The following LRRC20 variants were observed in gnomAD, a reference collection of about 807,000 sequenced individuals.
LRRC20 encodes the protein leucine rich repeat containing 20.
Under a neutral mutation model 14.4 loss-of-function variants are expected in LRRC20, and 11 were observed. The ratio of observed to expected loss-of-function variants is 0.77; its 90% CI spans 0.48 to 1.27. The LOEUF (loss-of-function observed/expected upper bound fraction) is 1.27. Ranked by LOEUF, LRRC20 falls within the 50% of genes most tolerant of loss-of-function variation. The probability of loss-of-function intolerance (pLI) is 0.00; values close to 1 mark genes in which losing one functional copy is unlikely to be tolerated. For synonymous variants in LRRC20, 121 were observed against 107.3 expected, an observed-to-expected ratio of 1.13 and a Z score of -0.79; for missense variants, 219 against 251.2, an observed-to-expected ratio of 0.87 and a Z score of 0.87.
chr10:70,323,900 C>T lies in LRRC20; in HGVS notation c.363G>A (p.Ala121=), dbSNP rs758493647. Residue 121 remains alanine (A), a synonymous_variant, in exon 4 of 5, where the codon GCG becomes GCA. Transcript: ENST00000446961. ...DFPEQLTALP[A]LETINLEENE... Reference sequence around the variant, plus strand: ...TCTCCTCCAGGTTGATGGTCTCCAGCGCCGGCAGGGCGGTAAGCTGCTCAG... The same window carrying T: ...TCTCCTCCAGGTTGATGGTCTCCAGTGCCGGCAGGGCGGTAAGCTGCTCAG... The T allele has an allele frequency of 2.4e-5, 38 of 1,614,072 alleles. No individual in the cohort carries two copies. The highest frequency in any genetic ancestry group is 5.0e-5 in the Admixed American group (3 of 60,006).
At chr10:70,306,703 G>A (rs765229188) in intron 4 of LRRC20, among the ~76,000 whole-genome samples, 79 of 151,936 alleles carry the variant, frequency 5.2e-4, no homozygotes, top group Non-Finnish European at 5.9e-4. Flanking sequence ...AAGTCTGTGG[G>A]GACACATCTT....
At position 70,324,008 on chromosome 10, in the gene LRRC20, G is replaced by A. The variant is rs1842209767; in HGVS notation, c.255C>T (p.Phe85=). The change falls in exon 4 of 5, where the codon TTC becomes TTT. Residue 85 remains phenylalanine (F), a synonymous_variant. Transcript: ENST00000446961. ...QLRELHLEGN[F]LHRLPSEVSA... ...TGACCTCGCTGGGGAGGCGGTGTAG[G>A]AAGTTCCCCTCCAGGTGGAGCTCTG... 6.2e-7 allele frequency: 1 copy of A among 1,613,980 alleles called. No individual in the cohort carries two copies. The highest frequency in any genetic ancestry group is 1.7e-5 in the Admixed American group (1 of 60,012).
rs543175903 is a variant in LRRC20, at chr10:70,347,736, T to C, written c.83-7034A>G. On this transcript the variant is annotated intron_variant, in intron 2 of 4. Coordinates refer to ENST00000446961, the MANE Select transcript of LRRC20 (RefSeq NM_001278212.2). Reference sequence around the variant, plus strand: ...TGGGGGGCTGAGGTGGGAGAATTGCTTGAGCCTGGGAGGAGGAGGTTACAG... The same window carrying C: ...TGGGGGGCTGAGGTGGGAGAATTGCCTGAGCCTGGGAGGAGGAGGTTACAG... 2.6e-5 allele frequency among the ~76,000 whole-genome samples: 4 copies of C among 151,540 alleles called. No homozygotes were observed. The East Asian group carries it at 7.8e-4, about 29-fold the overall frequency.
chr10:70,347,962 C>T (rs1227496814), intron 2 of LRRC20, among the ~76,000 whole-genome samples: 2 of 152,150 alleles, frequency 1.3e-5, no homozygotes, highest in Non-Finnish European at 2.9e-5. Flanking sequence ...CCGACACCTG[C>T]TTCTTTCTTT....
intron 2 of LRRC20, among the ~76,000 whole-genome samples, chr10:70,365,845 C>A (rs959872480): frequency 1.2e-4 from 18 of 151,896 alleles, no homozygotes; most frequent in Non-Finnish European, 2.5e-4. Context: ...CCGAGGCGGG[C>A]GGATCACGAG....
intron 2 of LRRC20, among the ~76,000 whole-genome samples, chr10:70,367,999 T>TTATGTTATGTTATGTTATGTTATGTTATG (rs1844094441): frequency 9.6e-5 from 14 of 145,942 alleles, no homozygotes; most frequent in East Asian, 4.0e-4. Context: ...TATGTTATTT[T>TTATGTTATGTTATGTTATGTTATGTTATG]TTGAGATGGA....
Position 70,324,046 on chromosome 10 carries a change from A to G in LRRC20, c.233-16T>C. On this transcript the variant is annotated splice_polypyrimidine_tract_variant and intron_variant, in intron 3 of 4. Coordinates refer to ENST00000446961, the MANE Select transcript of LRRC20 (RefSeq NM_001278212.2). ...AGGTGGAGCTCTGCCACGTGCAGGG[A>G]AGGAGAGAGAACAGGATGAGGAGGG... The G allele has an allele frequency of 6.2e-7, 1 of 1,612,870 alleles. No homozygotes were observed. The highest frequency in any genetic ancestry group is 8.5e-7 in the Non-Finnish European group (1 of 1,179,670).
At chr10:70,345,743 T>A (rs1487512192) in intron 2 of LRRC20, among the ~76,000 whole-genome samples, 1 of 152,170 alleles carries the variant, frequency 6.6e-6, no homozygotes, top group African/African-American at 2.4e-5. Context: ...CAACAAATAA[T>A]AGAATCATTA....
intron 2 of LRRC20, among the ~76,000 whole-genome samples, chr10:70,346,232 G>A (rs531654032): frequency 6.6e-6 from 1 of 152,246 alleles, no homozygotes; most frequent in African/African-American, 2.4e-5. Context: ...ATGACAGAGA[G>A]ACTCTGTCTC....
intron 2 of LRRC20, among the ~76,000 whole-genome samples, chr10:70,371,429 C>T (rs1379142557): frequency 1.3e-5 from 2 of 151,988 alleles, no homozygotes; most frequent in Non-Finnish European, 2.9e-5. Context: ...AGTAGAGTCT[C>T]GGGCCTCAGG....
chr10:70,363,255 G>A (rs1244535212), intron 2 of LRRC20, among the ~76,000 whole-genome samples: 1 of 151,512 alleles, frequency 6.6e-6, no homozygotes, highest in Non-Finnish European at 1.5e-5. Context: ...AAGGGTGGAG[G>A]GGAGGGAAGG....
At position 70,307,988 on chromosome 10, in the gene LRRC20, C is replaced by G. The variant is rs113407779; in HGVS notation, c.401-6480G>C. ...CAGCCCAGATGCCTGGGGATAAGCC[C>G]ACAGAGTTTGGCCAGCAGAGTCTCA... On this transcript the variant is annotated intron_variant, in intron 4 of 4. Coordinates refer to ENST00000446961, the MANE Select transcript of LRRC20 (RefSeq NM_001278212.2). Among the ~76,000 whole-genome samples, 369 of 152,346 alleles carry G rather than the reference C, an allele frequency of 2.4e-3. 1 individual carries two copies. The highest frequency in any genetic ancestry group is 8.2e-3 in the African/African-American group (341 of 41,580).
At chr10:70,305,991 C>T (rs751106319) in intron 4 of LRRC20, among the ~76,000 whole-genome samples, 3 of 152,138 alleles carry the variant, frequency 2.0e-5, no homozygotes, top group African/African-American at 4.8e-5. Context: ...CTGCCCACCT[C>T]TGCCTCCCAA....
chr10:70,363,399 A>T (rs1250405475), intron 2 of LRRC20, among the ~76,000 whole-genome samples: 2 of 152,136 alleles, frequency 1.3e-5, no homozygotes, highest in Non-Finnish European at 2.9e-5. Flanking sequence ...ACATGGTGAG[A>T]AACATCTGTT....
At chr10:70,318,698 G>A (rs1841963247) in intron 4 of LRRC20, among the ~76,000 whole-genome samples, 1 of 151,578 alleles carries the variant, frequency 6.6e-6, no homozygotes, top group Non-Finnish European at 1.5e-5. Flanking sequence ...AGGTTGCAGT[G>A]AGCCAAGATC....
chr10:70,376,483 G>A lies in LRRC20; in HGVS notation c.51C>T (p.Asn17=), dbSNP rs757803060. The A allele has an allele frequency of 8.7e-6, 14 of 1,613,950 alleles. No individual in the cohort carries two copies. The highest frequency in any genetic ancestry group is 6.7e-5 in the Admixed American group (4 of 60,004). ...EAVARVARKV[N]ETVESGSDTL... ...TGTCAGAGCCGCTCTCCACCGTCTCGTTGACCTTCCTTGCTACTCTGGCCA... is the reference window on the plus strand; with the variant it reads ...TGTCAGAGCCGCTCTCCACCGTCTCATTGACCTTCCTTGCTACTCTGGCCA... The change falls in exon 2 of 5, where the codon AAC becomes AAT. Residue 17 remains asparagine (N), a synonymous_variant. Transcript: ENST00000446961.
At chr10:70,335,514 C>T (rs755482919) in intron 3 of LRRC20, among the ~76,000 whole-genome samples, 68 of 152,220 alleles carry the variant, frequency 4.5e-4, no homozygotes, top group Admixed American at 1.3e-3. Flanking sequence ...GGGAACTCAT[C>T]GCTTTGGAGG....
intron 3 of LRRC20, among the ~76,000 whole-genome samples, chr10:70,325,357 C>T (rs1423164826): frequency 1.3e-5 from 2 of 152,194 alleles, no homozygotes; most frequent in African/African-American, 4.8e-5. Context: ...AGGATAGCGG[C>T]CTGCTCTCCC....
intron 4 of LRRC20, among the ~76,000 whole-genome samples, chr10:70,308,540 G>C (rs1841512529): frequency 6.6e-6 from 1 of 152,162 alleles, no homozygotes; most frequent in Admixed American, 6.5e-5. Context: ...TGAATGCTGG[G>C]GGACACAGGA....
Sources: gnomAD v4.1 joint callset for allele counts (sites outside exome capture counted in the v4.1 genomes callset) on GRCh38, gnomAD v4.1.1 for gene constraint, MANE v1.5 for transcripts, NCBI Gene and HGNC (gene_info 2026-07-23, HGNC 2026-07-21) for gene names.